ERP44: variants seen among roughly 807,000 people sequenced by gnomAD.
ERP44 encodes the protein endoplasmic reticulum resident protein 44.
Under a neutral mutation model 53.4 loss-of-function variants are expected in ERP44, and 25 were observed. The ratio of observed to expected loss-of-function variants is 0.47; its 90% CI spans 0.34 to 0.65. The LOEUF (loss-of-function observed/expected upper bound fraction) is 0.65, where lower values mean the gene tolerates loss of function less well. Among genes scored for constraint, ERP44 ranks in the 30% least tolerant of loss-of-function variants. ERP44 has a pLI of 0.01. For missense variants in ERP44, 338 were observed against 493.2 expected (o/e 0.69, Z 2.98); for synonymous variants, 145 against 161.2 (o/e 0.90, Z 0.76).
rs563728042 is a variant in ERP44, at chr9:100,090,765, A to T, written c.57+8019T>A. ...CTCTGTTTCAAAAAAAAAAAAATAT[A>T]CAACAAAACAGCTAAAGAGCAGGCT... is the stretch of plus-strand genomic sequence containing the variant. On this transcript the variant is annotated intron_variant, in intron 1 of 11. Transcript: ENST00000262455. 2.0e-5 allele frequency among the ~76,000 whole-genome samples: 3 copies of T among 151,918 alleles called. No homozygotes were observed. The East Asian group carries it at 5.8e-4, about 29-fold the overall frequency.
intron 9 of ERP44, among the ~76,000 whole-genome samples, chr9:100,007,254 C>T (rs1359516559): frequency 6.6e-6 from 1 of 152,214 alleles, no homozygotes; most frequent in Non-Finnish European, 1.5e-5. Flanking sequence ...TCAGCAACAT[C>T]TCTGGGAATG....
At chr9:100,082,504 C>T (rs947476434) in intron 1 of ERP44, among the ~76,000 whole-genome samples, 7 of 151,906 alleles carry the variant, frequency 4.6e-5, no homozygotes. Context: ...CTTCAATAAA[C>T]TGGTTTGGAA....
At chr9:100,007,798 A>T (rs2118634175) in intron 8 of ERP44, 109 bp from the exon 9 acceptor site, 1 of 697,582 alleles carries the variant, frequency 1.4e-6, no homozygotes, top group East Asian at 2.6e-5. Flanking sequence ...AATAGTTGCA[A>T]TATCCCGGGG....
At chr9:100,074,881 C>T (rs569806710) in intron 1 of ERP44, among the ~76,000 whole-genome samples, 8 of 152,198 alleles carry the variant, frequency 5.3e-5, no homozygotes, top group South Asian at 4.1e-4. Flanking sequence ...AGTGGGTCCC[C>T]GGACTCATCC....
intron 1 of ERP44, among the ~76,000 whole-genome samples, chr9:100,068,614 G>C (rs1241156612): frequency 2.7e-5 from 4 of 146,646 alleles, no homozygotes; most frequent in Non-Finnish European, 4.6e-5. Flanking sequence ...CCGGGAGGGA[G>C]GTGGGGGGGT....
At chr9:100,019,506 T>C (rs1463715686) in intron 6 of ERP44, among the ~76,000 whole-genome samples, 1 of 152,078 alleles carries the variant, frequency 6.6e-6, no homozygotes, top group Admixed American at 6.6e-5. Flanking sequence ...ACATCCAGGC[T>C]CCATTCAAGA....
chr9:100,094,127 G>A (rs1451288485), intron 1 of ERP44, among the ~76,000 whole-genome samples: 2 of 152,118 alleles, frequency 1.3e-5, no homozygotes, highest in Non-Finnish European at 2.9e-5. Flanking sequence ...TAACAACAGT[G>A]AACTGGTATC....
At chr9:100,019,590 G>A (rs1830563865) in intron 6 of ERP44, among the ~76,000 whole-genome samples, 1 of 150,854 alleles carries the variant, frequency 6.6e-6, no homozygotes, top group Admixed American at 6.6e-5. Context: ...GTCAAAGGAT[G>A]GTTGAGATAA....
chr9:100,048,709 A>G (rs1350849655), intron 4 of ERP44, among the ~76,000 whole-genome samples: 1 of 152,238 alleles, frequency 6.6e-6, no homozygotes, highest in Non-Finnish European at 1.5e-5. Context: ...ATTCTGACGC[A>G]TGCTACAACA....
intron 1 of ERP44, among the ~76,000 whole-genome samples, chr9:100,090,652 G>A (rs1376622241): frequency 1.3e-5 from 2 of 152,004 alleles, no homozygotes; most frequent in African/African-American, 2.4e-5. Context: ...GGGAGGCTGA[G>A]GCAGGAGAAT....
chr9:100,011,952 C>T (rs1308455182), intron 8 of ERP44, among the ~76,000 whole-genome samples: 2 of 152,116 alleles, frequency 1.3e-5, no homozygotes, highest in Admixed American at 1.3e-4. Context: ...TAATCTAAAA[C>T]TCTGAAATGC....
intron 10 of ERP44, chr9:99,998,731 CTTT>C (rs1340519999): frequency 4.1e-5 from 30 of 729,762 alleles, no homozygotes; most frequent in Middle Eastern, 3.7e-4. Context: ...TTTTGCATCT[CTTT>C]TCTTTTTTCC....
intron 4 of ERP44, among the ~76,000 whole-genome samples, chr9:100,049,023 T>G (rs1167817605): frequency 6.6e-6 from 1 of 152,140 alleles, no homozygotes; most frequent in Non-Finnish European, 1.5e-5. Flanking sequence ...ATGTTACAAT[T>G]TTTTTAAAAA....
intron 4 of ERP44, among the ~76,000 whole-genome samples, chr9:100,022,560 A>G (rs1403654433): frequency 6.6e-6 from 1 of 152,196 alleles, no homozygotes; most frequent in East Asian, 1.9e-4. Context: ...AAATAATACA[A>G]CAGACGCCAC....
At chr9:99,992,948 A>G (rs1406422339) in intron 10 of ERP44, among the ~76,000 whole-genome samples, 2 of 152,192 alleles carry the variant, frequency 1.3e-5, no homozygotes, top group African/African-American at 2.4e-5. Flanking sequence ...TAGGAATCCA[A>G]TTTACAAGGG....
At chr9:100,051,745 C>T (rs1311263723) in intron 4 of ERP44, among the ~76,000 whole-genome samples, 1 of 152,100 alleles carries the variant, frequency 6.6e-6, no homozygotes, top group Non-Finnish European at 1.5e-5. Context: ...GGAGGAAACA[C>T]CACTAGCAAG....
At chr9:100,067,485 A>G (rs928678368) in intron 1 of ERP44, among the ~76,000 whole-genome samples, 118 of 152,124 alleles carry the variant, frequency 7.8e-4, no homozygotes, top group African/African-American at 2.6e-3. Flanking sequence ...AGTCTGGTTC[A>G]CTCAGTGCTC....
intron 10 of ERP44, among the ~76,000 whole-genome samples, chr9:100,002,252 TTC>T (rs1484189632): frequency 2.0e-5 from 3 of 152,184 alleles, no homozygotes; most frequent in East Asian, 1.9e-4. Context: ...ATTTTAATAG[TTC>T]TGTCTTTTAT....
intron 1 of ERP44, among the ~76,000 whole-genome samples, chr9:100,063,878 T>C (rs556672401): frequency 1.3e-5 from 2 of 152,342 alleles, no homozygotes; most frequent in Non-Finnish European, 2.9e-5. Flanking sequence ...ATGCATTTAC[T>C]GTACCAACTA....
Sources: gnomAD v4.1 joint callset for allele counts (sites outside exome capture counted in the v4.1 genomes callset) on GRCh38, gnomAD v4.1.1 for gene constraint, MANE v1.5 for transcripts, NCBI Gene and HGNC (gene_info 2026-07-23, HGNC 2026-07-21) for gene names.